MYO18B: variants seen among roughly 807,000 people sequenced by gnomAD.
MYO18B encodes myosin XVIIIB.
MYO18B carries 204 observed loss-of-function variants against 273.0 expected under a neutral mutation model. The ratio of observed to expected loss-of-function variants is 0.75; its 90% CI spans 0.67 to 0.84. The LOEUF (loss-of-function observed/expected upper bound fraction) is 0.84, where lower values mean the gene tolerates loss of function less well. Ranked by LOEUF, MYO18B falls within the 40% of genes least tolerant of loss-of-function variation. The pLI, the probability that MYO18B is intolerant of heterozygous loss-of-function variation, is 0.00. For synonymous variants in MYO18B, 1,330 were observed against 1,305.7 expected, an observed-to-expected ratio of 1.02 and a Z score of -0.40; for missense variants, 3,212 against 3,287.6, an observed-to-expected ratio of 0.98 and a Z score of 0.56.
chr22:25,950,869 G>T (rs1488952475), intron 37 of MYO18B, among the ~76,000 whole-genome samples: 1 of 152,166 alleles, frequency 6.6e-6, no homozygotes, highest in Non-Finnish European at 1.5e-5. Context: ...ACCAGGCCCA[G>T]CTGGGAAATA....
intron 25 of MYO18B, among the ~76,000 whole-genome samples, chr22:25,888,727 G>C (rs2091574031): frequency 6.6e-6 from 1 of 152,188 alleles, no homozygotes; most frequent in Admixed American, 6.5e-5. Context: ...GGACCTGACT[G>C]GTCTGAGTTC....
chr22:25,951,190 A>G (rs985290215), intron 37 of MYO18B, among the ~76,000 whole-genome samples: 3 of 152,220 alleles, frequency 2.0e-5, no homozygotes, highest in Non-Finnish European at 2.9e-5. Flanking sequence ...CCTCACAGAT[A>G]CACCCAGGAT....
At chr22:25,952,080 A>G (rs2092798545) in intron 37 of MYO18B, among the ~76,000 whole-genome samples, 1 of 152,220 alleles carries the variant, frequency 6.6e-6, no homozygotes, top group African/African-American at 2.4e-5. Flanking sequence ...ACCCAGGATC[A>G]GGGTCTGGTG....
chr22:25,918,037 G>A (rs2092288932), intron 33 of MYO18B, among the ~76,000 whole-genome samples: 1 of 152,122 alleles, frequency 6.6e-6, no homozygotes, highest in South Asian at 2.1e-4. Flanking sequence ...TTCTAAATGA[G>A]GTCTATATTA....
chr22:25,836,353 G>A lies in MYO18B; in HGVS notation c.3208+910G>A, dbSNP rs572866843. Among the ~76,000 whole-genome samples the A allele has an allele frequency of 4.6e-4, 70 of 152,254 alleles. 3 individuals are homozygous for A. The South Asian group carries it at 0.014, about 30-fold the overall frequency. ...GATGATTGGGTAATATTATGTGCAT[G>A]CAGAGCTTTGTCACCGGGGTCAAGG... On this transcript the variant is annotated intron_variant, in intron 17 of 43. Transcript: ENST00000335473.
rs893854184 is a variant in MYO18B, at chr22:25,798,161, G to A, written c.2521+64G>A. The A allele has an allele frequency of 2.2e-5, 34 of 1,513,448 alleles. No individual in the cohort carries two copies. In the Admixed American group the frequency reaches 7.3e-4, roughly 32 times the overall value. 93.8% of individuals were successfully genotyped at this position (1,513,448 alleles called of 1,614,324 possible). A position where few individuals can be genotyped will look rare whatever the true frequency, so the allele number is the denominator to read the frequency against. On this transcript the variant is annotated intron_variant, in intron 12 of 43. Transcript: ENST00000335473. ...GTCTCCTTTGGCAGGTGCCTGACAA[G>A]GCCCTTCTCTCGGAGCGGTGGGAAC...
At chr22:25,990,686 C>CAAAAAAAAAAAAAAAA (rs745998234) in intron 39 of MYO18B, among the ~76,000 whole-genome samples, 2 of 27,014 alleles carry the variant, frequency 7.4e-5, no homozygotes, top group Non-Finnish European at 1.3e-4. Context: ...GACTTTGTCT[C>CAAAAAAAAAAAAAAAA]AAAAAAAAAA....
At chr22:26,017,217 G>A (rs1273987405) in intron 42 of MYO18B, among the ~76,000 whole-genome samples, 1 of 138,792 alleles carries the variant, frequency 7.2e-6, no homozygotes, top group East Asian at 2.2e-4. Flanking sequence ...TTTTAAATTT[G>A]TTAACAAAAG....
intron 24 of MYO18B, among the ~76,000 whole-genome samples, 175 bp from the exon 25 acceptor site, chr22:25,877,784 A>T (rs916762783): frequency 3.3e-5 from 5 of 152,180 alleles, no homozygotes; most frequent in Non-Finnish European, 7.3e-5. Context: ...TACTTTTTAC[A>T]AGCAATTTTG....
chr22:26,004,964 C>A, intron 42 of MYO18B, 109 bp downstream of exon 42: 1 of 1,418,732 alleles, frequency 7.0e-7, no homozygotes, highest in Non-Finnish European at 9.7e-7. Context: ...CAAAAACAAG[C>A]ATGGTCCTGA....
intron 12 of MYO18B, among the ~76,000 whole-genome samples, chr22:25,812,973 T>G (rs2088828537): frequency 6.6e-6 from 1 of 152,024 alleles, no homozygotes; most frequent in African/African-American, 2.4e-5. Context: ...CCTCTTTCTC[T>G]TCCTTCTCTC....
At chr22:25,907,019 T>C (rs1239674390) in intron 31 of MYO18B, among the ~76,000 whole-genome samples, 2 of 152,234 alleles carry the variant, frequency 1.3e-5, no homozygotes, top group African/African-American at 4.8e-5. Context: ...CCAAATGCTT[T>C]TTCATGATCC....
chr22:25,971,988 G>T (rs2093039966), intron 39 of MYO18B, among the ~76,000 whole-genome samples: 1 of 151,882 alleles, frequency 6.6e-6, no homozygotes, highest in South Asian at 2.1e-4. Context: ...GTTTTGCCAT[G>T]TTGGCCAGGC....
chr22:26,006,998 G>C (rs1934487996), intron 42 of MYO18B, among the ~76,000 whole-genome samples: 1 of 152,104 alleles, frequency 6.6e-6, no homozygotes. Context: ...AGGCAAGGTG[G>C]GTCTTCAGCA....
At chr22:25,790,424 A>G (rs1026643091) in intron 11 of MYO18B, among the ~76,000 whole-genome samples, 5 of 152,212 alleles carry the variant, frequency 3.3e-5, no homozygotes, top group African/African-American at 1.2e-4. Context: ...ACCTCCGTCT[A>G]AGGAGATGTC....
intron 38 of MYO18B, among the ~76,000 whole-genome samples, chr22:25,953,873 G>C (rs2092819232): frequency 6.6e-6 from 1 of 152,026 alleles, no homozygotes; most frequent in Non-Finnish European, 1.5e-5. Flanking sequence ...GTAGAGATGG[G>C]GTACCTCAAA....
chr22:25,843,430 T>G (rs530218467), intron 17 of MYO18B, among the ~76,000 whole-genome samples: 1 of 152,228 alleles, frequency 6.6e-6, no homozygotes, highest in East Asian at 1.9e-4. Flanking sequence ...AAAGAAAACA[T>G]CAAGTAAATC....
intron 17 of MYO18B, among the ~76,000 whole-genome samples, chr22:25,838,466 C>T (rs2089973164): frequency 6.6e-6 from 1 of 152,194 alleles, no homozygotes; most frequent in South Asian, 2.1e-4. Context: ...TCCCAAAGTG[C>T]TAGGATTACA....
downstream of MYO18B, among the ~76,000 whole-genome samples, chr22:26,034,490 C>T (rs4822684): frequency 0.19 from 28,300 of 152,172 alleles, 3,543 homozygotes; most frequent in African/African-American, 0.36. Context: ...TGAATCAGCC[C>T]ATTGATTGGC....
Sources: allele counts gnomAD v4.1 joint callset (sites outside exome capture counted in the v4.1 genomes callset), GRCh38; gene constraint gnomAD v4.1.1; transcripts MANE v1.5; gene names NCBI Gene and HGNC (gene_info 2026-07-23, HGNC 2026-07-21).